Variants in SCAP observed in about 807,000 individuals in gnomAD.
SCAP encodes sterol regulatory element-binding protein cleavage-activating protein.
In SCAP, 65 loss-of-function variants were observed where a neutral mutation model predicts 123.6. The observed-to-expected ratio is 0.53, with a 90% CI of 0.43 to 0.65. SCAP has a LOEUF of 0.65. Ranked by LOEUF, SCAP falls within the 30% of genes least tolerant of loss-of-function variation. The pLI is 0.00. For synonymous variants in SCAP, 740 were observed against 726.3 expected, an observed-to-expected ratio of 1.02 and a Z score of -0.30; for missense variants, 1,398 against 1,712.5, an observed-to-expected ratio of 0.82 and a Z score of 3.24.
At chr3:47,447,919 C>T (rs143648811) in intron 1 of SCAP, among the ~76,000 whole-genome samples, 44 of 130,262 alleles carry the variant, frequency 3.4e-4, no homozygotes, top group African/African-American at 1.2e-3. Flanking sequence ...GCAGGAGAAT[C>T]GCTTGAACCC....
rs555039524 is a variant in SCAP, at chr3:47,425,180, C to T, written c.1037+305G>A. On this transcript the variant is annotated intron_variant, in intron 8 of 22. Coordinates refer to ENST00000265565, the MANE Select transcript of SCAP (RefSeq NM_012235.4). ...ACAGACACACAAATCCGACTACACACATGCAATACATACTCATGTATACAC... is the reference window on the plus strand; with the variant it reads ...ACAGACACACAAATCCGACTACACATATGCAATACATACTCATGTATACAC... 7.3e-5 allele frequency: 22 copies of T among 303,444 alleles called. No homozygotes were observed. In the East Asian group the frequency reaches 1.3e-3, roughly 17 times the overall value. 18.8% of individuals were successfully genotyped at this position (303,444 alleles called of 1,614,324 possible).
chr3:47,438,686 C>T (rs1302079937), intron 2 of SCAP, among the ~76,000 whole-genome samples: 3 of 151,908 alleles, frequency 2.0e-5, no homozygotes, highest in African/African-American at 7.3e-5. Context: ...CGGTGGCACA[C>T]GCCTGTAATC....
chr3:47,462,753 C>CAAAAAAAAAAAA (rs369097240), intron 1 of SCAP, among the ~76,000 whole-genome samples: 4 of 79,560 alleles, frequency 5.0e-5, no homozygotes, highest in Admixed American at 1.3e-4. Flanking sequence ...AACTCCGTCT[C>CAAAAAAAAAAAA]AAAAAAAAAA....
At chr3:47,462,525 C>T (rs1192053784) in intron 1 of SCAP, among the ~76,000 whole-genome samples, 1 of 152,048 alleles carries the variant, frequency 6.6e-6, no homozygotes, top group Non-Finnish European at 1.5e-5. Flanking sequence ...ACCATAAAGA[C>T]ACTATGCTGA....
At chr3:47,475,403 A>G (rs983157306) in intron 1 of SCAP, 5 of 152,256 alleles carry the variant, frequency 3.3e-5, no homozygotes, top group African/African-American at 1.2e-4. Flanking sequence ...AGATCTTCCA[A>G]AAGAGGCAAA....
intron 2 of SCAP, 100 bp downstream of exon 2, chr3:47,442,772 A>G (rs1365219105): frequency 1.9e-6 from 2 of 1,061,084 alleles, no homozygotes; most frequent in Non-Finnish European, 2.8e-6. Flanking sequence ...CCATTGTGTA[A>G]AAAGCATACA....
chr3:47,448,931 A>T (rs186722537), intron 1 of SCAP, among the ~76,000 whole-genome samples: 1 of 152,204 alleles, frequency 6.6e-6, no homozygotes, highest in African/African-American at 2.4e-5. Context: ...ATATTATGCT[A>T]TGTGACTCTA....
rs58460988 is a variant in SCAP at position 47,455,062 on chromosome 3, C to CATATAT, written c.-98-11977_-98-11972dup. 2.0e-3 allele frequency among the ~76,000 whole-genome samples: 251 copies of CATATAT among 127,944 alleles called. 1 individual carries two copies. The highest frequency in any genetic ancestry group is 7.7e-3 in the Admixed American group (99 of 12,874). 83.9% of individuals were successfully genotyped at this position (127,944 alleles called of 152,430 possible). ...TCCAAATATATATACAAAAAAATTA[C>CATATAT]ATATATATATATATATATATATATA... is the stretch of plus-strand genomic sequence containing the variant. On this transcript the variant is annotated intron_variant, in intron 1 of 22. Transcript: ENST00000265565.
Position 47,413,898 on chromosome 3 carries a change from G to A in SCAP, c.3796C>T (p.Leu1266Phe). Residue 1266 changes from leucine (L) to phenylalanine (F), a missense_variant, in exon 23 of 23, where the codon CTC (leucine) becomes TTC (phenylalanine). By Grantham distance (22) the Leu-to-Phe change is conservative (BLOSUM62 0). Coordinates refer to ENST00000265565, the MANE Select transcript of SCAP (RefSeq NM_012235.4). ...AAIVCNFGSE[L>F]SLVYVPSVLE... ...ACAGAGGGCACATACACCAGGCTGA[G>A]CTCACTGCCAAAGTTGCAGACAATG... 1 of 1,613,136 alleles carries A rather than the reference G, an allele frequency of 6.2e-7. No homozygotes were observed. The highest frequency in any genetic ancestry group is 8.5e-7 in the Non-Finnish European group (1 of 1,180,012).
chr3:47,427,362 A>T, intron 5 of SCAP, 85 bp downstream of exon 5: 1 of 1,555,274 alleles, frequency 6.4e-7, no homozygotes, highest in Non-Finnish European at 8.9e-7. Context: ...CAAAGGGTAA[A>T]CCCTGATCTG....
intron 1 of SCAP, among the ~76,000 whole-genome samples, chr3:47,472,828 C>T (rs566832404): frequency 7.2e-5 from 11 of 152,212 alleles, no homozygotes; most frequent in Non-Finnish European, 1.5e-4. Flanking sequence ...CGCCTGTAAT[C>T]CCAGCACTTT....
At chr3:47,435,496 A>G (rs1706541592) in intron 2 of SCAP, among the ~76,000 whole-genome samples, 1 of 151,236 alleles carries the variant, frequency 6.6e-6, no homozygotes, top group African/African-American at 2.4e-5. Context: ...ACACACACAC[A>G]CACACACACA....
intron 22 of SCAP, 38 bp downstream of exon 22, chr3:47,414,142 T>TA: frequency 6.2e-7 from 1 of 1,613,484 alleles, no homozygotes; most frequent in African/African-American, 1.3e-5. Context: ...AGTCCTTCCC[T>TA]AAAATCCCAA....
chr3:47,414,956 C>T lies in SCAP; in HGVS notation c.3177G>A (p.Val1059=), dbSNP rs774306551. The change falls in exon 20 of 23, where the codon GTG becomes GTA. Residue 1059 remains valine (V), a synonymous_variant. Transcript: ENST00000265565. ...PGRGSSPASP[V]YSSSDTVACH... is the part of the protein sequence containing the mutation. ...AGGCCACTGTGTCGCTGCTGCTGTACACTGGAGAGGCAGGGGAACTGCCCC... is the reference window on the plus strand; with the variant it reads ...AGGCCACTGTGTCGCTGCTGCTGTATACTGGAGAGGCAGGGGAACTGCCCC... The T allele has an allele frequency of 6.2e-7, 1 of 1,607,460 alleles. No homozygotes were observed. Among genetic ancestry groups the T allele is most frequent in the Non-Finnish European group, 8.5e-7 (1 of 1,177,260 alleles).
At chr3:47,473,506 G>T (rs889521208) in intron 1 of SCAP, among the ~76,000 whole-genome samples, 1 of 152,150 alleles carries the variant, frequency 6.6e-6, no homozygotes, top group Non-Finnish European at 1.5e-5. Flanking sequence ...CAAGCTGGGT[G>T]ACCTTGTAAG....
chr3:47,473,138 T>C (rs572468674), intron 1 of SCAP, among the ~76,000 whole-genome samples: 2 of 140,158 alleles, frequency 1.4e-5, no homozygotes, highest in South Asian at 2.2e-4. Context: ...CATAAAAGGA[T>C]GGACTCTTTT....
In SCAP at chr3:47,413,921, A is replaced by C; in HGVS notation, c.3773T>G (p.Ile1258Ser). The change falls in exon 23 of 23, where the codon ATT becomes AGT. Residue 1258 changes from isoleucine (I) to serine (S), a missense_variant. Transcript: ENST00000265565. ...RQILVLDNAA[I>S]VCNFGSELSL... ...GAGCTCACTGCCAAAGTTGCAGACA[A>C]TGGCAGCGTTGTCCAGCACCAGGAT... is the stretch of plus-strand genomic sequence containing the variant. 1.2e-6 allele frequency: 2 copies of C among 1,613,268 alleles called. No individual in the cohort carries two copies. Among genetic ancestry groups the C allele is most frequent in the Non-Finnish European group, 1.7e-6 (2 of 1,180,024 alleles).
chr3:47,420,731 C>T lies in SCAP; in HGVS notation c.1386G>A (p.Leu462=). 2 of 1,610,226 alleles carry T rather than the reference C, an allele frequency of 1.2e-6. No homozygotes were observed. Among genetic ancestry groups the T allele is most frequent in the Non-Finnish European group, 1.7e-6 (2 of 1,179,160 alleles). Reference sequence around the variant, plus strand: ...GCTGTCCCACTGGCTTGGCTGAGGGCAGGCAGGCCTCAGGGGGCAGTCGCT... The same window carrying T: ...GCTGTCCCACTGGCTTGGCTGAGGGTAGGCAGGCCTCAGGGGGCAGTCGCT... ...LNKRLPPEAC[L]PSAKPVGQPT... is the part of the protein sequence containing the mutation. The change falls in exon 12 of 23, where the codon CTG becomes CTA. Residue 462 remains leucine, a synonymous_variant. Coordinates refer to ENST00000265565, the MANE Select transcript of SCAP (RefSeq NM_012235.4). The surrounding 1 kb of genome is among the most constrained non-coding windows in gnomAD (Gnocchi z 5.0).
At chr3:47,422,415 T>G in intron 10 of SCAP, 27 bp downstream of exon 10, 1 of 1,601,532 alleles carries the variant, frequency 6.2e-7, no homozygotes, top group Non-Finnish European at 8.5e-7. Flanking sequence ...TCCATGCTCA[T>G]CCAGGTGGCA....
Sources: gnomAD v4.1 joint callset for allele counts (sites outside exome capture counted in the v4.1 genomes callset) on GRCh38, gnomAD v4.1.1 for gene constraint, Gnocchi (gnomAD v3.1) non-coding constraint, MANE v1.5 for transcripts, NCBI Gene and HGNC (gene_info 2026-07-23, HGNC 2026-07-21) for gene names.